ACSS3: variants seen among roughly 807,000 people sequenced by gnomAD.
ACSS3 encodes acyl-CoA synthetase short-chain family member 3, mitochondrial.
Under a neutral mutation model 84.2 loss-of-function variants are expected in ACSS3, and 64 were observed. The observed-to-expected ratio is 0.76, with a 90% CI of 0.62 to 0.94. The LOEUF is 0.94. Among genes scored for constraint, ACSS3 ranks in the 40% least tolerant of loss-of-function variants. The pLI, the probability that ACSS3 is intolerant of heterozygous loss-of-function variation, is 0.00. For missense variants in ACSS3, 815 were observed against 867.6 expected (o/e 0.94, Z 0.76); for synonymous variants, 317 against 310.1 (o/e 1.02, Z -0.23).
intron 13 of ACSS3, among the ~76,000 whole-genome samples, chr12:81,247,034 G>A (rs950880428): frequency 6.9e-6 from 1 of 145,934 alleles, no homozygotes; most frequent in Non-Finnish European, 1.5e-5. Context: ...TCTTAAATGT[G>A]ATTTTTTTTG....
At chr12:81,136,671 C>A (rs975503395) in intron 3 of ACSS3, among the ~76,000 whole-genome samples, 1 of 152,018 alleles carries the variant, frequency 6.6e-6, no homozygotes, top group Non-Finnish European at 1.5e-5. Flanking sequence ...AGTAAGTAGA[C>A]CAATGTGACT....
Position 81,081,916 on chromosome 12 carries a change from T to C in ACSS3, c.311+3485T>C, listed in dbSNP as rs368875491. 1.6e-4 allele frequency among the ~76,000 whole-genome samples: 24 copies of C among 152,210 alleles called. 1 individual carries two copies. Among genetic ancestry groups the C allele is most frequent in the East Asian group, 1.3e-3 (7 of 5,194 alleles). On this transcript the variant is annotated intron_variant, in intron 1 of 15. Transcript: ENST00000548058. ...CTTACTAGCTGAGATTAAGGTTGTTTAATCCTGCCAAGTCTTAAAATGGCT... is the reference window on the plus strand; with the variant it reads ...CTTACTAGCTGAGATTAAGGTTGTTCAATCCTGCCAAGTCTTAAAATGGCT...
chr12:81,203,197 A>G (rs1490909010), intron 9 of ACSS3, among the ~76,000 whole-genome samples: 5 of 152,206 alleles, frequency 3.3e-5, no homozygotes, highest in Non-Finnish European at 7.3e-5. Flanking sequence ...TAGGAGAAGA[A>G]GAGTGTATTC....
At chr12:81,164,233 G>T (rs7966332) in intron 7 of ACSS3, among the ~76,000 whole-genome samples, 2 of 151,916 alleles carry the variant, frequency 1.3e-5, no homozygotes, top group Admixed American at 1.3e-4. Context: ...TTGTGATACA[G>T]TTGTCTACAG....
At chr12:81,141,391 G>A (rs956344815) in intron 4 of ACSS3, among the ~76,000 whole-genome samples, 2 of 152,152 alleles carry the variant, frequency 1.3e-5, no homozygotes, top group Non-Finnish European at 2.9e-5. Flanking sequence ...ATTTTTGTAA[G>A]AGGAGGTAAA....
chr12:81,151,636 T>G, intron 5 of ACSS3: 1 of 434,398 alleles, frequency 2.3e-6, no homozygotes. Context: ...ATTCTAAAAA[T>G]GGCACTAATG....
intron 15 of ACSS3, among the ~76,000 whole-genome samples, chr12:81,254,032 C>T (rs932542527): frequency 6.6e-6 from 1 of 152,044 alleles, no homozygotes; most frequent in Non-Finnish European, 1.5e-5. Flanking sequence ...TAAAGAGATC[C>T]TCTCACATCA....
intron 10 of ACSS3, 55 bp from the exon 11 acceptor site, chr12:81,219,958 G>T (rs1264107219): frequency 3.3e-6 from 4 of 1,212,182 alleles, no homozygotes; most frequent in African/African-American, 1.6e-5. Context: ...ATAGAAAAAT[G>T]TTTAAGCTTT....
chr12:81,148,207 T>C (rs1886436995), intron 5 of ACSS3, among the ~76,000 whole-genome samples: 4 of 152,116 alleles, frequency 2.6e-5, no homozygotes, highest in Non-Finnish European at 2.9e-5. Flanking sequence ...AAATTCTTAA[T>C]CTTACCACAC....
At position 81,253,410 on chromosome 12, in the gene ACSS3, A is replaced by C; in HGVS notation, c.1819+4A>C. ...GCACTCTGTGTATTGAGAAAAGGTG[A>C]GAGATCTTTTTCTCCCTGATTGCTT... On this transcript the variant is annotated splice_donor_region_variant and intron_variant, in intron 14 of 15. Transcript: ENST00000548058. 1 of 1,613,674 alleles carries C rather than the reference A, an allele frequency of 6.2e-7. No homozygotes were observed. The highest frequency in any genetic ancestry group is 8.5e-7 in the Non-Finnish European group (1 of 1,179,636).
chr12:81,183,030 G>GCT (rs531109324), intron 8 of ACSS3, among the ~76,000 whole-genome samples: 84 of 152,246 alleles, frequency 5.5e-4, no homozygotes, highest in Non-Finnish European at 9.7e-4. Flanking sequence ...GGGTCCAGCT[G>GCT]CTCACTGCTT....
intron 8 of ACSS3, among the ~76,000 whole-genome samples, chr12:81,199,008 A>G (rs1211179252): frequency 6.6e-6 from 1 of 152,174 alleles, no homozygotes; most frequent in Non-Finnish European, 1.5e-5. Context: ...ATTAGCGGAG[A>G]CAATGTCAAG....
intron 13 of ACSS3, among the ~76,000 whole-genome samples, chr12:81,238,514 G>C (rs1386110557): frequency 6.6e-6 from 1 of 151,704 alleles, no homozygotes; most frequent in Non-Finnish European, 1.5e-5. Flanking sequence ...TTCAGTTTTG[G>C]AAGTTTATTA....
At chr12:81,231,471 G>GTA (rs1301291607) in intron 12 of ACSS3, among the ~76,000 whole-genome samples, 1 of 151,750 alleles carries the variant, frequency 6.6e-6, no homozygotes, top group Non-Finnish European at 1.5e-5. Flanking sequence ...GGATTCCTCT[G>GTA]TATCAACAGA....
At position 81,078,426 on chromosome 12, in the gene ACSS3, C is replaced by A; in HGVS notation, c.306C>A (p.Thr102=). 1.2e-6 allele frequency: 2 copies of A among 1,612,326 alleles called. No individual in the cohort carries two copies. The highest frequency in any genetic ancestry group is 8.5e-7 in the Non-Finnish European group (1 of 1,180,000). ...TGGAGAACAAACACTCGCCCTCTAC[C>A]AGGTGGTGAGTGACTTCTGTGCCAA... The part of the protein sequence containing the change: ...KTLENKHSPS[T]RWFVEGMLNI... The change falls in exon 1 of 16, where the codon ACC becomes ACA. Residue 102 remains threonine (T), a synonymous_variant. Transcript: ENST00000548058.
Position 81,181,936 on chromosome 12 carries a change from T to A in ACSS3, c.1250+6997T>A, listed in dbSNP as rs540160275. ...TGGGACGTCATTAAGTGAAGAAGTA[T>A]TGCATTATGTTCTTTAAGAAGGGAA... On this transcript the variant is annotated intron_variant, in intron 8 of 15. Coordinates refer to ENST00000548058, the MANE Select transcript of ACSS3 (RefSeq NM_024560.4). 2.0e-5 allele frequency among the ~76,000 whole-genome samples: 3 copies of A among 152,128 alleles called. No individual in the cohort carries two copies. The East Asian group carries it at 5.8e-4, about 29-fold the overall frequency.
chr12:81,176,607 A>T (rs796093818), intron 8 of ACSS3, among the ~76,000 whole-genome samples: 2 of 152,138 alleles, frequency 1.3e-5, no homozygotes, highest in African/African-American at 4.8e-5. Flanking sequence ...AATAAAAAAA[A>T]AATTGAGCCC....
chr12:81,100,216 GTTTT>G (rs34512313), intron 1 of ACSS3, among the ~76,000 whole-genome samples: 6,215 of 106,522 alleles, frequency 0.058, 240 homozygotes, highest in South Asian at 0.13. Context: ...AAAATTACCA[GTTTT>G]TTTTTTTTTT....
At position 81,126,651 on chromosome 12, in the gene ACSS3, A is replaced by T. The variant is rs548186105; in HGVS notation, c.457-8165A>T. ...CATAGGGAAATACAGGATTTAACTA[A>T]TTTTCTGTGAAATTACAGTCTGAAA... is the stretch of plus-strand genomic sequence containing the variant. On this transcript the variant is annotated intron_variant, in intron 2 of 15. Coordinates refer to ENST00000548058, the MANE Select transcript of ACSS3 (RefSeq NM_024560.4). Among the ~76,000 whole-genome samples the T allele has an allele frequency of 6.6e-5, 10 of 152,306 alleles. No individual in the cohort carries two copies. In the East Asian group the frequency reaches 1.7e-3, roughly 26 times the overall value.
Sources: gnomAD v4.1 joint callset for allele counts (sites outside exome capture counted in the v4.1 genomes callset) on GRCh38, gnomAD v4.1.1 for gene constraint, MANE v1.5 for transcripts, NCBI Gene and HGNC (gene_info 2026-07-23, HGNC 2026-07-21) for gene names.